SMC5: variants seen among roughly 807,000 people sequenced by gnomAD.
SMC5 encodes the protein structural maintenance of chromosomes protein 5.
A neutral mutation model predicts 148.3 loss-of-function variants in SMC5; 88 were observed. The observed-to-expected ratio is 0.59, with a 90% CI of 0.50 to 0.71. The LOEUF (loss-of-function observed/expected upper bound fraction) is 0.71, where lower values mean the gene tolerates loss of function less well. SMC5 is among the 30% of genes least tolerant of loss of function. The pLI, the probability that SMC5 is intolerant of heterozygous loss-of-function variation, is 0.00. For synonymous variants in SMC5, 421 were observed against 432.8 expected (o/e 0.97, Z 0.34); for missense variants, 1,142 against 1,298.9 (o/e 0.88, Z 1.86).
intron 10 of SMC5, among the ~76,000 whole-genome samples, chr9:70,300,962 T>C (rs912945136): frequency 6.6e-6 from 1 of 152,172 alleles, no homozygotes; most frequent in South Asian, 2.1e-4. Flanking sequence ...AAAATTCTAT[T>C]CTCTGTAACT....
intron 8 of SMC5, among the ~76,000 whole-genome samples, chr9:70,293,853 G>A (rs778962766): frequency 3.4e-4 from 52 of 152,190 alleles, no homozygotes; most frequent in Non-Finnish European, 5.3e-4. Context: ...ATTGGTGTGC[G>A]TTCAGTTTTT....
At chr9:70,313,198 T>G (rs906930828) in intron 11 of SMC5, among the ~76,000 whole-genome samples, 5 of 152,198 alleles carry the variant, frequency 3.3e-5, no homozygotes, top group African/African-American at 1.2e-4. Flanking sequence ...TATTATCTTT[T>G]TAATGTTTTG....
intron 12 of SMC5, among the ~76,000 whole-genome samples, 195 bp from the exon 13 acceptor site, chr9:70,315,251 T>A (rs796075726): frequency 7.9e-5 from 12 of 152,042 alleles, no homozygotes; most frequent in African/African-American, 2.9e-4. Flanking sequence ...TAGTTTGTAA[T>A]CATAAAAAGC....
intron 3 of SMC5, among the ~76,000 whole-genome samples, chr9:70,275,672 AT>A (rs1226732469): frequency 1.3e-5 from 2 of 152,090 alleles, no homozygotes; most frequent in Non-Finnish European, 2.9e-5. Flanking sequence ...GATAGTAATC[AT>A]TCTCTTTTTC....
chr9:70,316,968 CAT>C (rs1022076656), intron 13 of SMC5, among the ~76,000 whole-genome samples: 3 of 151,984 alleles, frequency 2.0e-5, no homozygotes, highest in Non-Finnish European at 4.4e-5. Context: ...AATTCTCAAA[CAT>C]ATCAAATACC....
chr9:70,349,560 A>C (rs1441724291), intron 22 of SMC5, among the ~76,000 whole-genome samples: 3 of 152,192 alleles, frequency 2.0e-5, no homozygotes, highest in Admixed American at 6.5e-5. Flanking sequence ...TATTGTGTGT[A>C]TGTATGACTT....
chr9:70,348,091 T>A, intron 22 of SMC5, 53 bp downstream of exon 22: 1 of 1,350,618 alleles, frequency 7.4e-7, no homozygotes, highest in South Asian at 1.5e-5. Flanking sequence ...TTTAATTATA[T>A]GCTTAAAGTA....
rs139432672 is a variant in SMC5 at position 70,314,467 on chromosome 9, A to G, written c.1579-275A>G. Among the ~76,000 whole-genome samples the G allele has an allele frequency of 3.9e-3, 601 of 152,164 alleles. 3 individuals carry two copies. Among genetic ancestry groups the G allele is most frequent in the African/African-American group, 0.013 (554 of 41,492 alleles). On this transcript the variant is annotated intron_variant, in intron 11 of 24. Transcript: ENST00000361138. ...ATCTGCCAATAATGTAAGCATAACT[A>G]TCTCCCTTCTGTATCATTTTGAAGT... is the stretch of plus-strand genomic sequence containing the variant.
chr9:70,292,306 A>G (rs1046832079), intron 8 of SMC5, among the ~76,000 whole-genome samples: 1 of 152,152 alleles, frequency 6.6e-6, no homozygotes, highest in Non-Finnish European at 1.5e-5. Context: ...GTCTATGAAC[A>G]TGGTCTGTCT....
chr9:70,314,079 G>A (rs745644638), intron 11 of SMC5, among the ~76,000 whole-genome samples: 5 of 152,166 alleles, frequency 3.3e-5, no homozygotes, highest in Non-Finnish European at 5.9e-5. Context: ...TTAGATGGGC[G>A]TTTATATGCA....
intron 22 of SMC5, among the ~76,000 whole-genome samples, chr9:70,349,699 A>T (rs956885197): frequency 1.3e-5 from 2 of 152,172 alleles, no homozygotes; most frequent in African/African-American, 4.8e-5. Flanking sequence ...AGAGAGCATG[A>T]CACTCCATTA....
chr9:70,294,080 A>G lies in SMC5; in HGVS notation c.1054-3886A>G, dbSNP rs1291530932. ...CCTTACATTCTACAAAGCAAAGCAGAATGAGTAAGGATGTAGGTAAAGTGA... is the reference window on the plus strand; with the variant it reads ...CCTTACATTCTACAAAGCAAAGCAGGATGAGTAAGGATGTAGGTAAAGTGA... On this transcript the variant is annotated intron_variant, in intron 8 of 24. Transcript: ENST00000361138. Among the ~76,000 whole-genome samples the G allele has an allele frequency of 2.0e-5, 3 of 152,142 alleles. No individual in the cohort carries two copies. The East Asian group carries it at 5.8e-4, about 29-fold the overall frequency.
At chr9:70,315,387 C>T (rs1008993505) in intron 12 of SMC5, 59 bp from the exon 13 acceptor site, 46 of 1,288,442 alleles carry the variant, frequency 3.6e-5, no homozygotes, top group Non-Finnish European at 4.3e-5. Context: ...CTTATCAACT[C>T]CCAGATTTTT....
At chr9:70,299,787 T>TG (rs1190454970) in intron 9 of SMC5, among the ~76,000 whole-genome samples, 1 of 151,538 alleles carries the variant, frequency 6.6e-6, no homozygotes, top group Admixed American at 6.6e-5. Flanking sequence ...TTGTGGGTTT[T>TG]TTTGTTTGTT....
intron 17 of SMC5, among the ~76,000 whole-genome samples, chr9:70,327,740 A>G (rs1450589200): frequency 6.6e-6 from 1 of 152,192 alleles, no homozygotes; most frequent in Non-Finnish European, 1.5e-5. Context: ...CCAGCATCAC[A>G]AAAAGATAGC....
At chr9:70,300,010 A>G (rs1386557129) in intron 9 of SMC5, 36 bp from the exon 10 acceptor site, 2 of 1,519,746 alleles carry the variant, frequency 1.3e-6, no homozygotes, top group Non-Finnish European at 1.8e-6. Flanking sequence ...TAAAATTTTC[A>G]GAGAAACAAG....
intron 15 of SMC5, among the ~76,000 whole-genome samples, chr9:70,321,959 A>G (rs2035958886): frequency 6.6e-6 from 1 of 152,224 alleles, no homozygotes; most frequent in Non-Finnish European, 1.5e-5. Context: ...TATTAGTGAC[A>G]TAATCTTTAA....
Position 70,295,968 on chromosome 9 carries a change from C to T in SMC5, c.1054-1998C>T, listed in dbSNP as rs77654502. Reference sequence around the variant, plus strand: ...ATTATCTGCTTTTAGGCCCATTGAACATTGTTAATGTTCAGTGACATGTAT... The same window carrying T: ...ATTATCTGCTTTTAGGCCCATTGAATATTGTTAATGTTCAGTGACATGTAT... On this transcript the variant is annotated intron_variant, in intron 8 of 24. Transcript: ENST00000361138. 4.4e-3 allele frequency among the ~76,000 whole-genome samples: 664 copies of T among 152,212 alleles called. 5 individuals are homozygous for T. Among genetic ancestry groups the T allele is most frequent in the African/African-American group, 0.015 (632 of 41,526 alleles).
At chr9:70,316,018 TA>T (rs1479580100) in intron 13 of SMC5, among the ~76,000 whole-genome samples, 3 of 152,098 alleles carry the variant, frequency 2.0e-5, no homozygotes, top group African/African-American at 7.2e-5. Context: ...TTCCTTTTAT[TA>T]AAACTTGTAC....
Sources: gnomAD v4.1 joint callset for allele counts (sites outside exome capture counted in the v4.1 genomes callset) on GRCh38, gnomAD v4.1.1 for gene constraint, MANE v1.5 for transcripts, NCBI Gene and HGNC (gene_info 2026-07-23, HGNC 2026-07-21) for gene names.